Variants in OPA1 observed in about 807,000 individuals in gnomAD.
OPA1 encodes the protein dynamin-like GTPase OPA1, mitochondrial.
Under a neutral mutation model 152.9 loss-of-function variants are expected in OPA1, and 59 were observed. The ratio of observed to expected loss-of-function variants is 0.39; its 90% CI spans 0.31 to 0.48. The LOEUF (loss-of-function observed/expected upper bound fraction) is 0.48. OPA1 is among the 20% of genes least tolerant of loss of function. OPA1 has a pLI of 0.96. For synonymous variants in OPA1, 400 were observed against 389.9 expected (o/e 1.03, Z -0.31); for missense variants, 1,008 against 1,216.8 (o/e 0.83, Z 2.55).
intron 30 of OPA1, among the ~76,000 whole-genome samples, chr3:193,693,917 G>A (rs964061734): frequency 1.5e-4 from 23 of 152,218 alleles, no homozygotes; most frequent in Non-Finnish European, 3.1e-4. Context: ...TCTATTTACT[G>A]ACCTGTGTGT....
chr3:193,610,880 C>T (rs1001603742), intron 1 of OPA1, among the ~76,000 whole-genome samples: 3 of 152,228 alleles, frequency 2.0e-5, no homozygotes, highest in African/African-American at 2.4e-5. Flanking sequence ...CTAAGACCAT[C>T]GGAAAAGCGC....
At chr3:193,655,799 A>G (rs1169860023) in intron 22 of OPA1, among the ~76,000 whole-genome samples, 1 of 152,208 alleles carries the variant, frequency 6.6e-6, no homozygotes. Flanking sequence ...ATAAACAGCG[A>G]TTGTTCAAGC....
At chr3:193,659,134 A>G in intron 24 of OPA1, 139 bp downstream of exon 24, 2 of 723,576 alleles carry the variant, frequency 2.8e-6, no homozygotes, top group South Asian at 1.6e-5. Context: ...TATTTGTGGA[A>G]TTTTTTTAGT....
rs181194653 is a variant in OPA1 at position 193,645,822 on chromosome 3, T to G, written c.1754+22T>G. 2,536 of 1,555,418 alleles carry G rather than the reference T, an allele frequency of 1.6e-3. 15 individuals carry two copies. The highest frequency in any genetic ancestry group is 0.014 in the Middle Eastern group (85 of 5,928). On this transcript the variant is annotated intron_variant, in intron 18 of 30. Coordinates refer to ENST00000361510, the MANE Select transcript of OPA1 (RefSeq NM_130837.3). ...TAAAGTAGGTATCTTGTTAAAACAT[T>G]TAAACATTTTACAGTAAGAGAGTAG...
At chr3:193,645,322 T>C (rs182075666) in intron 16 of OPA1, among the ~76,000 whole-genome samples, 40 of 152,298 alleles carry the variant, frequency 2.6e-4, no homozygotes, top group African/African-American at 9.6e-4. Flanking sequence ...TTTAAAGAAC[T>C]ACACATCATT....
At chr3:193,685,018 C>T (rs1374714621) in intron 29 of OPA1, among the ~76,000 whole-genome samples, 1 of 151,956 alleles carries the variant, frequency 6.6e-6, no homozygotes, top group Non-Finnish European at 1.5e-5. Flanking sequence ...CTGAATTTAT[C>T]TGACCAGGCG....
intron 11 of OPA1, among the ~76,000 whole-genome samples, chr3:193,641,016 C>T (rs1039437315): frequency 6.6e-6 from 1 of 152,042 alleles, no homozygotes; most frequent in Admixed American, 6.5e-5. Flanking sequence ...CTTTACATAT[C>T]CATTTTACTA....
intron 25 of OPA1, among the ~76,000 whole-genome samples, chr3:193,660,701 AT>A (rs139271487): frequency 0.018 from 2,571 of 145,376 alleles, 72 homozygotes; most frequent in African/African-American, 0.059. Flanking sequence ...TTTCTTTACT[AT>A]TTTTTTTTTT....
intron 6 of OPA1, among the ~76,000 whole-genome samples, chr3:193,623,009 A>G (rs1204464696): frequency 1.3e-5 from 2 of 152,226 alleles, no homozygotes; most frequent in Admixed American, 1.3e-4. Context: ...ATTGGAATTA[A>G]GCAGAGTTGC....
At chr3:193,630,363 A>T (rs920470027) in intron 7 of OPA1, among the ~76,000 whole-genome samples, 1 of 152,216 alleles carries the variant, frequency 6.6e-6, no homozygotes, top group African/African-American at 2.4e-5. Context: ...TTTAAGGAAA[A>T]AAGAAAAAAA....
chr3:193,683,663 A>G (rs775675598), intron 29 of OPA1, among the ~76,000 whole-genome samples: 1 of 152,196 alleles, frequency 6.6e-6, no homozygotes, highest in Non-Finnish European at 1.5e-5. Flanking sequence ...GCAGCCATCA[A>G]CGTCAGGGCC....
At chr3:193,599,443 TTTTTG>T (rs971091404) in intron 1 of OPA1, among the ~76,000 whole-genome samples, 2 of 152,026 alleles carry the variant, frequency 1.3e-5, no homozygotes, top group African/African-American at 4.8e-5. Flanking sequence ...TTGGTTTCTT[TTTTTG>T]TTTTATTTAT....
At chr3:193,631,483 A>G (rs537844522) in intron 7 of OPA1, 129 bp from the exon 8 acceptor site, 1 of 623,796 alleles carries the variant, frequency 1.6e-6, no homozygotes, top group East Asian at 2.8e-5. Context: ...TTGATTTAAA[A>G]TTACTTTGAT....
At position 193,619,087 on chromosome 3, in the gene OPA1, C is replaced by T. The variant is rs563402416; in HGVS notation, c.678+151C>T. 1.8e-5 allele frequency: 12 copies of T among 678,974 alleles called. 1 individual carries two copies. In the South Asian group the frequency reaches 2.0e-4, roughly 11 times the overall value. The allele number at this position is 678,974 out of a possible 1,614,324, so 42.1% of individuals were successfully genotyped here. A position where few individuals can be genotyped will look rare whatever the true frequency, so the allele number is the denominator to read the frequency against. Reference sequence around the variant, plus strand: ...TCGTTACTAATCTTAGTGCAAAGTACAAGGTATTACGTGGCAGTTCTGGAA... The same window carrying T: ...TCGTTACTAATCTTAGTGCAAAGTATAAGGTATTACGTGGCAGTTCTGGAA... On this transcript the variant is annotated intron_variant, in intron 6 of 30. Transcript: ENST00000361510.
rs1370296460 is a variant in OPA1 at position 193,696,800 on chromosome 3, G to T, written c.*2200G>T. 1 of 152,138 alleles carries T rather than the reference G, an allele frequency of 6.6e-6. No individual in the cohort carries two copies. The highest frequency in any genetic ancestry group is 1.9e-4 in the East Asian group (1 of 5,196). 9.4% of individuals were successfully genotyped at this position (152,138 alleles called of 1,614,324 possible). ...GCTCTGTATGGAAGACTGAACAACT[G>T]TAAATAGATGATATCCAAACTTAAT... is the stretch of plus-strand genomic sequence containing the variant. On this transcript the variant is annotated 3_prime_UTR_variant, in exon 31 of 31. Transcript: ENST00000361510.
At chr3:193,686,590 T>C (rs924475684) in intron 29 of OPA1, among the ~76,000 whole-genome samples, 23 of 152,096 alleles carry the variant, frequency 1.5e-4, no homozygotes, top group African/African-American at 4.8e-4. Context: ...TTGAGTGTAG[T>C]CTCTTGTTTA....
In OPA1 at chr3:193,659,002, G is replaced by A. The variant is rs1460816557; in HGVS notation, c.2440+7G>A. On this transcript the variant is annotated splice_region_variant and intron_variant, in intron 24 of 30. Transcript: ENST00000361510. ...CAGGCTCGTCTCAAGGATAGTAAGT[G>A]GAGACACGGCTTATTGAGTTCTGAG... 1.3e-6 allele frequency: 2 copies of A among 1,578,412 alleles called. No homozygotes were observed. Among genetic ancestry groups the A allele is most frequent in the Non-Finnish European group, 1.7e-6 (2 of 1,147,624 alleles).
chr3:193,669,796 C>G (rs572183071), intron 29 of OPA1, among the ~76,000 whole-genome samples: 2 of 152,240 alleles, frequency 1.3e-5, no homozygotes, highest in Admixed American at 6.5e-5. Flanking sequence ...CATTACTCTC[C>G]GCTCCCAATT....
In OPA1 at chr3:193,631,653, T is replaced by A; in HGVS notation, c.831T>A (p.Leu277=). ...AAATTGACCAACTTCAGGAAGAACT[T>A]CTGCACACTCAGGTAATCATGATGA... ...KEKIDQLQEE[L]LHTQLKYQRI... The change falls in exon 8 of 31, where the codon CTT becomes CTA. Residue 277 remains leucine (L), a synonymous_variant. Transcript: ENST00000361510. The A allele has an allele frequency of 3.1e-6, 5 of 1,611,746 alleles. No individual in the cohort carries two copies. The highest frequency in any genetic ancestry group is 3.4e-6 in the Non-Finnish European group (4 of 1,178,120).
Sources: gnomAD v4.1 joint callset for allele counts (sites outside exome capture counted in the v4.1 genomes callset) on GRCh38, gnomAD v4.1.1 for gene constraint, MANE v1.5 for transcripts, NCBI Gene and HGNC (gene_info 2026-07-23, HGNC 2026-07-21) for gene names.